CCDC102B: variants seen among roughly 807,000 people sequenced by gnomAD.
The protein encoded by CCDC102B is coiled-coil domain containing 102B, also known as coiled-coil domain-containing protein 102B.
In CCDC102B, 75 loss-of-function variants were observed where a neutral mutation model predicts 57.4. That is an observed-to-expected ratio of 1.31 (90% CI 1.08 to 1.58). CCDC102B has a LOEUF of 1.58. CCDC102B is among the 40% of genes most tolerant of loss of function. The pLI is 0.00. For synonymous variants in CCDC102B, 206 were observed against 201.9 expected (o/e 1.02, Z -0.17); for missense variants, 636 against 582.6 (o/e 1.09, Z -0.94).
At chr18:68,718,746 C>G (rs1364061107) in intron 2 of CCDC102B, among the ~76,000 whole-genome samples, 1 of 152,102 alleles carries the variant, frequency 6.6e-6, no homozygotes, top group Non-Finnish European at 1.5e-5. Flanking sequence ...CTGATCAGTC[C>G]CTAGAGAATC....
rs993638035 is a variant in CCDC102B, at chr18:69,022,223, A to G, written c.1434+11119A>G. Reference sequence around the variant, plus strand: ...TATATATATATATATATATATATATAACACACACACACGCGTGCGTGTGCA... The same window carrying G: ...TATATATATATATATATATATATATGACACACACACACGCGTGCGTGTGCA... On this transcript the variant is annotated intron_variant, in intron 7 of 7. Transcript: ENST00000360242. Among the ~76,000 whole-genome samples, 8 of 100,596 alleles carry G rather than the reference A, an allele frequency of 8.0e-5. No homozygotes were observed. The South Asian group carries it at 2.5e-3, about 32-fold the overall frequency. 66.0% of individuals were successfully genotyped at this position (100,596 alleles called of 152,430 possible). A position where few individuals can be genotyped will look rare whatever the true frequency, so the allele number is the denominator to read the frequency against.
At chr18:68,813,581 T>C (rs1159063770) in intron 1 of CCDC102B, among the ~76,000 whole-genome samples, 1 of 151,274 alleles carries the variant, frequency 6.6e-6, no homozygotes, top group Non-Finnish European at 1.5e-5. Context: ...GTAGGTTAGT[T>C]AGGGGAGAAG....
At chr18:69,030,689 C>G (rs2052115723) in intron 7 of CCDC102B, among the ~76,000 whole-genome samples, 1 of 152,154 alleles carries the variant, frequency 6.6e-6, no homozygotes, top group African/African-American at 2.4e-5. Flanking sequence ...TGGAGACACT[C>G]TGTCACCCAG....
intron 4 of CCDC102B, among the ~76,000 whole-genome samples, chr18:68,857,078 A>G (rs1259363776): frequency 8.5e-6 from 1 of 118,238 alleles, no homozygotes. Context: ...TATATTATAT[A>G]TAAATATATT....
At chr18:68,838,293 A>C in intron 2 of CCDC102B, 1 of 582,626 alleles carries the variant, frequency 1.7e-6, no homozygotes. Context: ...CAGCTTCCTG[A>C]AAATTCTATC....
At chr18:68,823,877 T>C (rs141909407) in intron 1 of CCDC102B, among the ~76,000 whole-genome samples, 70 of 152,258 alleles carry the variant, frequency 4.6e-4, no homozygotes, top group Middle Eastern at 3.4e-3. Flanking sequence ...TATGTTCATG[T>C]CCTTCGCCCA....
chr18:68,845,987 T>C (rs1568284279), intron 3 of CCDC102B, among the ~76,000 whole-genome samples: 1 of 151,626 alleles, frequency 6.6e-6, no homozygotes, highest in Non-Finnish European at 1.5e-5. Context: ...GAAACATATA[T>C]ATCCTCCTAT....
intron 2 of CCDC102B, among the ~76,000 whole-genome samples, chr18:68,755,322 G>C (rs977167480): frequency 6.6e-6 from 1 of 152,146 alleles, no homozygotes; most frequent in Non-Finnish European, 1.5e-5. Flanking sequence ...AGCTCAGCCT[G>C]CTGGACCTCT....
chr18:68,992,203 A>G (rs986409870), intron 6 of CCDC102B, among the ~76,000 whole-genome samples: 6 of 152,216 alleles, frequency 3.9e-5, no homozygotes, highest in African/African-American at 1.4e-4. Flanking sequence ...TGGACTTTTC[A>G]TTTGAACTCC....
chr18:68,752,659 G>A (rs539826701), intron 2 of CCDC102B, among the ~76,000 whole-genome samples: 51 of 152,052 alleles, frequency 3.4e-4, no homozygotes, highest in Non-Finnish European at 6.6e-4. Context: ...TTCACTTAAT[G>A]TTATGATTAT....
intron 5 of CCDC102B, among the ~76,000 whole-genome samples, chr18:68,888,098 A>G (rs182234905): frequency 2.6e-5 from 4 of 152,336 alleles, no homozygotes; most frequent in African/African-American, 9.6e-5. Context: ...AAAAGATAAA[A>G]GATAGTGTTG....
At chr18:68,867,749 A>G (rs2039059354) in intron 4 of CCDC102B, among the ~76,000 whole-genome samples, 1 of 149,848 alleles carries the variant, frequency 6.7e-6, no homozygotes, top group East Asian at 2.1e-4. Flanking sequence ...CCTGGCTAAC[A>G]CGGTGAAACC....
chr18:68,790,050 A>G (rs1191012975), intron 2 of CCDC102B, among the ~76,000 whole-genome samples: 2 of 147,842 alleles, frequency 1.4e-5, no homozygotes, highest in African/African-American at 5.2e-5. Flanking sequence ...CTTCTAACAG[A>G]CAGGACCCTC....
intron 7 of CCDC102B, among the ~76,000 whole-genome samples, chr18:69,049,321 G>A: frequency 6.6e-6 from 1 of 152,074 alleles, no homozygotes; most frequent in East Asian, 1.9e-4. Context: ...TTAGTTTGCT[G>A]AGAATGATGG....
intron 7 of CCDC102B, among the ~76,000 whole-genome samples, chr18:69,035,080 G>T (rs926505660): frequency 6.6e-6 from 1 of 151,860 alleles, no homozygotes; most frequent in African/African-American, 2.4e-5. Context: ...TTCAAAAATT[G>T]AGTATTTCCC....
chr18:68,847,194 C>T (rs766033612), intron 4 of CCDC102B, among the ~76,000 whole-genome samples: 9 of 134,444 alleles, frequency 6.7e-5, no homozygotes, highest in African/African-American at 1.7e-4. Context: ...CACATGTATA[C>T]GTCTGTGCAC....
chr18:69,026,966 A>C (rs1052626452), intron 7 of CCDC102B, among the ~76,000 whole-genome samples: 3 of 152,220 alleles, frequency 2.0e-5, no homozygotes, highest in Admixed American at 6.5e-5. Context: ...CCTGTTGGTA[A>C]AGTTGGAAAA....
intron 6 of CCDC102B, among the ~76,000 whole-genome samples, chr18:68,950,441 A>G (rs1166537347): frequency 6.6e-6 from 1 of 152,154 alleles, no homozygotes; most frequent in Non-Finnish European, 1.5e-5. Flanking sequence ...TTAATAGTAA[A>G]AAATGAAAAT....
intron 2 of CCDC102B, among the ~76,000 whole-genome samples, chr18:68,765,101 T>A (rs1342580148): frequency 7.0e-6 from 1 of 142,936 alleles, no homozygotes; most frequent in East Asian, 2.0e-4. Flanking sequence ...TGCATGTCTG[T>A]CATCCCAGCT....
Sources: gnomAD v4.1 joint callset for allele counts (sites outside exome capture counted in the v4.1 genomes callset) on GRCh38, gnomAD v4.1.1 for gene constraint, MANE v1.5 for transcripts, NCBI Gene and HGNC (gene_info 2026-07-23, HGNC 2026-07-21) for gene names.